The following NAAA variants were observed in gnomAD, a reference collection of about 807,000 sequenced individuals.
The protein encoded by NAAA is N-acylethanolamine acid amidase, also known as N-acylethanolamine-hydrolyzing acid amidase.
NAAA carries 39 observed loss-of-function variants against 44.8 expected under a neutral mutation model. The ratio of observed to expected loss-of-function variants is 0.87; its 90% CI spans 0.67 to 1.14. The LOEUF (loss-of-function observed/expected upper bound fraction) is 1.14, where lower values mean the gene tolerates loss of function less well. Ranked by LOEUF, NAAA falls within the 50% of genes most tolerant of loss-of-function variation. NAAA has a pLI of 0.00. For synonymous variants in NAAA, 178 were observed against 191.3 expected, an observed-to-expected ratio of 0.93 and a Z score of 0.58; for missense variants, 460 against 467.8, an observed-to-expected ratio of 0.98 and a Z score of 0.15.
intron 4 of NAAA, among the ~76,000 whole-genome samples, chr4:75,929,527 TA>T (rs1385638791): frequency 3.9e-5 from 6 of 152,236 alleles, no homozygotes; most frequent in Non-Finnish European, 8.8e-5. Context: ...TAGATTCTAC[TA>T]ATCAAGTTTG....
At chr4:75,912,416 T>C (rs1310176385), downstream of NAAA, among the ~76,000 whole-genome samples, 1 of 151,856 alleles carries the variant, frequency 6.6e-6, no homozygotes, top group African/African-American at 2.4e-5. Context: ...TAGCCGGGCA[T>C]GGTGGCACAC....
intron 9 of NAAA, among the ~76,000 whole-genome samples, chr4:75,916,812 G>A (rs1359834042): frequency 8.3e-6 from 1 of 121,154 alleles, no homozygotes; most frequent in Admixed American, 9.8e-5. Context: ...TTTTAAGACG[G>A]AGTCTCCCTC....
At chr4:75,935,496 T>C (rs898281039) in intron 3 of NAAA, 1 of 152,376 alleles carries the variant, frequency 6.6e-6, no homozygotes, top group Non-Finnish European at 1.5e-5. Context: ...TAAGTATAAT[T>C]TTTTAAAGAT....
In NAAA at chr4:75,931,271, C is replaced by T. The variant is rs758886611; in HGVS notation, c.532G>A (p.Val178Ile). ...AFTGTTFIGY[V>I]GLWTGQSPHK... Reference sequence around the variant, plus strand: ...GGGCTCTGGCCAGTCCATAATCCTACATAGCCAATAAAAGTAGTTCCTGTG... The same window carrying T: ...GGGCTCTGGCCAGTCCATAATCCTATATAGCCAATAAAAGTAGTTCCTGTG... Residue 178 changes from valine to isoleucine, a missense_variant, in exon 4 of 11, where the codon GTA becomes ATA. By Grantham distance (29) the Val-to-Ile change is conservative (BLOSUM62 3). Transcript: ENST00000286733. The T allele has an allele frequency of 1.8e-5, 29 of 1,612,144 alleles. No homozygotes were observed. The African/African-American group carries it at 2.8e-4, about 16-fold the overall frequency.
rs771256962 is a variant in NAAA, at chr4:75,918,841, C to T, written c.970-52G>A. 10 of 1,536,892 alleles carry T rather than the reference C, an allele frequency of 6.5e-6. 1 individual carries two copies. The South Asian group carries it at 1.0e-4, about 15-fold the overall frequency. On this transcript the variant is annotated intron_variant, in intron 8 of 10. Coordinates refer to ENST00000286733, the MANE Select transcript of NAAA (RefSeq NM_014435.4). ...AGAAGATTACATGGTAGAAGAAATA[C>T]ACATAGAATATCTATGGAGGGCCGG...
At chr4:75,926,175 A>C (rs1267191143) in intron 4 of NAAA, among the ~76,000 whole-genome samples, 2 of 152,212 alleles carry the variant, frequency 1.3e-5, no homozygotes, top group African/African-American at 4.8e-5. Flanking sequence ...TCATTGCCAA[A>C]CAAAAGTTTT....
At chr4:75,929,404 C>T (rs1019855082) in intron 4 of NAAA, among the ~76,000 whole-genome samples, 2 of 152,084 alleles carry the variant, frequency 1.3e-5, no homozygotes, top group Non-Finnish European at 2.9e-5. Context: ...CAGCCTCCCA[C>T]GTAGCTGGGA....
intron 5 of NAAA, among the ~76,000 whole-genome samples, chr4:75,924,574 T>C (rs1330908802): frequency 6.6e-6 from 1 of 152,232 alleles, no homozygotes; most frequent in Non-Finnish European, 1.5e-5. Flanking sequence ...CAGATGTTCC[T>C]TTTGTTGTGT....
chr4:75,927,770 CAGAA>C (rs1436013619), intron 4 of NAAA, among the ~76,000 whole-genome samples: 2 of 146,546 alleles, frequency 1.4e-5, no homozygotes, highest in Non-Finnish European at 3.0e-5. Flanking sequence ...TGATTTGAGA[CAGAA>C]AGACTCTGTC....
intron 4 of NAAA, among the ~76,000 whole-genome samples, chr4:75,926,471 G>T (rs1406830005): frequency 6.9e-6 from 1 of 145,474 alleles, no homozygotes; most frequent in Non-Finnish European, 1.5e-5. Context: ...TGAGGGAGGA[G>T]AATTGCTTGA....
chr4:75,925,203 T>C (rs1336731547), intron 5 of NAAA, among the ~76,000 whole-genome samples: 1 of 151,958 alleles, frequency 6.6e-6, no homozygotes, highest in African/African-American at 2.4e-5. Flanking sequence ...ACCCAGCTAA[T>C]TTTTTGTATT....
intron 3 of NAAA, chr4:75,935,523 G>T (rs1046964784): frequency 2.6e-5 from 4 of 152,392 alleles, no homozygotes; most frequent in Non-Finnish European, 5.9e-5. Flanking sequence ...CAAGAAAGTG[G>T]TGTGGGTCAA....
Position 75,940,891 on chromosome 4 carries a change from A to G in NAAA, c.59T>C (p.Leu20Pro), listed in dbSNP as rs1163581640. ...GGCGGCTGACAGCCCGGCCCCGGCCAGCAGCAGCAGCAGCAGGGACGGAAG... is the reference window on the plus strand; with the variant it reads ...GGCGGCTGACAGCCCGGCCCCGGCCGGCAGCAGCAGCAGCAGGGACGGAAG... ...PGLPSLLLLL[L>P]AGAGLSAASP... Residue 20 changes from leucine to proline, a missense_variant, in exon 1 of 11, where the codon CTG becomes CCG. Transcript: ENST00000286733. 3 of 1,463,894 alleles carry G rather than the reference A, an allele frequency of 2.0e-6. No homozygotes were observed. In the African/African-American group the frequency reaches 4.4e-5, roughly 21 times the overall value. The allele number at this position is 1,463,894 out of a possible 1,614,324, so 90.7% of individuals were successfully genotyped here. A position where few individuals can be genotyped will look rare whatever the true frequency, so the allele number is the denominator to read the frequency against.
rs781306834 is a variant in NAAA, at chr4:75,925,834, T to C, written c.590-23A>G. ...TATCTGCCAAGTTGAGTATATATGT[T>C]ATATATGTGTGTGTATATATGTACA... On this transcript the variant is annotated intron_variant, in intron 4 of 10. Coordinates refer to ENST00000286733, the MANE Select transcript of NAAA (RefSeq NM_014435.4). 3.7e-6 allele frequency: 6 copies of C among 1,601,920 alleles called. No individual in the cohort carries two copies. The East Asian group carries it at 8.9e-5, about 24-fold the overall frequency.
chr4:75,938,595 G>GC lies in NAAA; in HGVS notation c.371+1405dup, dbSNP rs61381847. On this transcript the variant is annotated intron_variant, in intron 2 of 10. Coordinates refer to ENST00000286733, the MANE Select transcript of NAAA (RefSeq NM_014435.4). ...CTCTGCCTAGGTGTTCTGGGAAAAT[G>GC]CCTGGGCCAGTAAAGTTTCATTATT... Among the ~76,000 whole-genome samples, 489 of 152,294 alleles carry GC rather than the reference G, an allele frequency of 3.2e-3. 5 individuals are homozygous for GC. The highest frequency in any genetic ancestry group is 0.011 in the African/African-American group (465 of 41,560).
At chr4:75,922,111 G>A (rs900104395) in intron 5 of NAAA, among the ~76,000 whole-genome samples, 2 of 152,126 alleles carry the variant, frequency 1.3e-5, no homozygotes, top group African/African-American at 4.8e-5. Context: ...TGGAGGTGGT[G>A]ATAGGGTCAA....
At position 75,921,023 on chromosome 4, in the gene NAAA, C is replaced by T. The variant is rs1388381303; in HGVS notation, c.767G>A (p.Arg256Gln). 2.1e-5 allele frequency: 34 copies of T among 1,608,964 alleles called. No individual in the cohort carries two copies. The highest frequency in any genetic ancestry group is 1.4e-4 in the South Asian group (13 of 89,914). ...GTTCCTCGTGATGACCACCCCCTCC[C>T]GGGGGGACGTGCCACCAACAATGTA... ...VYYIVGGTSP[R>Q]EGVVITRNRD... Residue 256 changes from arginine to glutamine, a missense_variant, in exon 6 of 11, where the codon CGG (arginine) becomes CAG (glutamine). Coordinates refer to ENST00000286733, the MANE Select transcript of NAAA (RefSeq NM_014435.4).
chr4:75,913,806 GT>G lies in NAAA; in HGVS notation c.*568del. On this transcript the variant is annotated 3_prime_UTR_variant, in exon 11 of 11. Coordinates refer to ENST00000286733, the MANE Select transcript of NAAA (RefSeq NM_014435.4). ...TATTGAGAAAGAAGGAGGGCCATAG[GT>G]TTTTCAATAAAACGTTAGAAACATT... 1.0e-6 allele frequency: 1 copy of G among 985,066 alleles called. No homozygotes were observed. Among genetic ancestry groups the G allele is most frequent in the Non-Finnish European group, 1.2e-6 (1 of 829,652 alleles). 61.0% of individuals were successfully genotyped at this position (985,066 alleles called of 1,614,324 possible). A position where few individuals can be genotyped will look rare whatever the true frequency, so the allele number is the denominator to read the frequency against.
chr4:75,923,609 G>A lies in NAAA; in HGVS notation c.666+2126C>T, dbSNP rs1031554722. Among the ~76,000 whole-genome samples, 19 of 149,390 alleles carry A rather than the reference G, an allele frequency of 1.3e-4. No homozygotes were observed. The East Asian group carries it at 2.4e-3, about 19-fold the overall frequency. On this transcript the variant is annotated intron_variant, in intron 5 of 10. Coordinates refer to ENST00000286733, the MANE Select transcript of NAAA (RefSeq NM_014435.4). ...GGCTGGAGTGCAGTGGTGTGATCTC[G>A]GCTCACTGCAACCTCTGCCTTCTGA...
Sources: gnomAD v4.1 joint callset for allele counts (sites outside exome capture counted in the v4.1 genomes callset) on GRCh38, gnomAD v4.1.1 for gene constraint, MANE v1.5 for transcripts, NCBI Gene and HGNC (gene_info 2026-07-23, HGNC 2026-07-21) for gene names.